Variants in ROBO1 observed in about 807,000 individuals in gnomAD.
ROBO1 encodes roundabout guidance receptor 1.
ROBO1 carries 149 observed loss-of-function variants against 195.9 expected under a neutral mutation model. That is an observed-to-expected ratio of 0.76 (90% CI 0.67 to 0.87). The LOEUF (loss-of-function observed/expected upper bound fraction) is 0.87, where lower values mean the gene tolerates loss of function less well. Ranked by LOEUF, ROBO1 falls within the 40% of genes least tolerant of loss-of-function variation. ROBO1 has a pLI of 0.00. For missense variants in ROBO1, 1,933 were observed against 2,068.3 expected (o/e 0.93, Z 1.27); for synonymous variants, 816 against 733.2 (o/e 1.11, Z -1.82).
chr3:79,620,410 T>C (rs1348249051), intron 1 of ROBO1, among the ~76,000 whole-genome samples: 1 of 152,106 alleles, frequency 6.6e-6, no homozygotes, highest in East Asian at 1.9e-4. Flanking sequence ...CACTCCACAT[T>C]ACCTTCTTTT....
At chr3:78,677,712 C>A (rs944328365) in intron 10 of ROBO1, among the ~76,000 whole-genome samples, 1 of 152,062 alleles carries the variant, frequency 6.6e-6, no homozygotes, top group South Asian at 2.1e-4. Flanking sequence ...TAGACTCCCA[C>A]ACAATAATAA....
chr3:79,372,203 C>CTTTTT (rs113427698), intron 2 of ROBO1, among the ~76,000 whole-genome samples: 2 of 143,186 alleles, frequency 1.4e-5, no homozygotes, highest in African/African-American at 2.6e-5. Flanking sequence ...TTCTAGCATT[C>CTTTTT]TTTTTTTTTT....
At chr3:79,141,053 T>C (rs1434123504) in intron 2 of ROBO1, among the ~76,000 whole-genome samples, 2 of 152,192 alleles carry the variant, frequency 1.3e-5, no homozygotes, top group Non-Finnish European at 2.9e-5. Context: ...TCTTCACTGT[T>C]AGGATGAAAC....
chr3:79,174,955 T>C (rs1378975628), intron 2 of ROBO1, among the ~76,000 whole-genome samples: 1 of 152,080 alleles, frequency 6.6e-6, no homozygotes, highest in Non-Finnish European at 1.5e-5. Flanking sequence ...GGATAAGGGC[T>C]AGATATTAAT....
Position 78,998,416 on chromosome 3 carries a change from C to A in ROBO1, c.173-59489G>T, listed in dbSNP as rs76812030. ...GAGAAACTTGCCCTACACTTATACTCAGATTTCTCCTAAAGCTGAATCTTT... is the reference window on the plus strand; with the variant it reads ...GAGAAACTTGCCCTACACTTATACTAAGATTTCTCCTAAAGCTGAATCTTT... On this transcript the variant is annotated intron_variant, in intron 3 of 30. Coordinates refer to ENST00000464233, the MANE Select transcript of ROBO1 (RefSeq NM_002941.4). 7.7e-4 allele frequency among the ~76,000 whole-genome samples: 117 copies of A among 152,232 alleles called. No individual in the cohort carries two copies. The East Asian group carries it at 0.015, about 19-fold the overall frequency.
intron 2 of ROBO1, among the ~76,000 whole-genome samples, chr3:79,513,740 T>C (rs901241130): frequency 1.3e-5 from 2 of 152,018 alleles, no homozygotes; most frequent in African/African-American, 4.8e-5. Context: ...TTTGTGCACA[T>C]AGACTATTGT....
intron 4 of ROBO1, among the ~76,000 whole-genome samples, chr3:78,788,668 T>C (rs1446412770): frequency 2.6e-5 from 4 of 152,082 alleles, no homozygotes; most frequent in Non-Finnish European, 4.4e-5. Flanking sequence ...ATCTTAGTGG[T>C]ATTTAGTTTT....
At chr3:79,328,092 C>T (rs997491698) in intron 2 of ROBO1, among the ~76,000 whole-genome samples, 12 of 152,004 alleles carry the variant, frequency 7.9e-5, no homozygotes, top group African/African-American at 2.9e-4. Context: ...ATATGTATAG[C>T]TTTTAGGCAA....
chr3:78,984,802 T>C (rs1351307064), intron 3 of ROBO1, among the ~76,000 whole-genome samples: 1 of 152,028 alleles, frequency 6.6e-6, no homozygotes, highest in Non-Finnish European at 1.5e-5. Flanking sequence ...ATTTAAAAGG[T>C]GTGAATGTTA....
chr3:79,250,265 ATAAT>A (rs2082696013), intron 2 of ROBO1, among the ~76,000 whole-genome samples: 1 of 152,218 alleles, frequency 6.6e-6, no homozygotes, highest in African/African-American at 2.4e-5. Flanking sequence ...AATTCACAAT[ATAAT>A]TATATATTCA....
intron 8 of ROBO1, among the ~76,000 whole-genome samples, chr3:78,705,391 T>C (rs1199837310): frequency 6.6e-6 from 1 of 152,230 alleles, no homozygotes; most frequent in Admixed American, 6.5e-5. Flanking sequence ...ATTAGTTTAT[T>C]TTCCTATTAG....
intron 2 of ROBO1, among the ~76,000 whole-genome samples, chr3:79,494,657 A>G (rs778457634): frequency 7.2e-5 from 11 of 152,188 alleles, no homozygotes; most frequent in Admixed American, 4.6e-4. Context: ...ACAAAACACA[A>G]TAGAGGAGAA....
intron 2 of ROBO1, among the ~76,000 whole-genome samples, chr3:79,296,299 T>C (rs1196893089): frequency 6.6e-6 from 1 of 152,190 alleles, no homozygotes; most frequent in East Asian, 1.9e-4. Context: ...TTCCTTAGCA[T>C]AGAGAGTATA....
chr3:79,645,797 G>A lies in ROBO1; in HGVS notation c.-50-55836C>T, dbSNP rs145817966. On this transcript the variant is annotated intron_variant, in intron 1 of 30. Transcript: ENST00000464233. ...ACAGACAGACCAAGAAAACAGAATA[G>A]AGAACATAGATATAAATCCACAAAT... 5.6e-3 allele frequency among the ~76,000 whole-genome samples: 849 copies of A among 152,136 alleles called. 5 individuals carry two copies. The highest frequency in any genetic ancestry group is 0.018 in the African/African-American group (736 of 41,508).
At chr3:79,211,538 A>C (rs1470595739) in intron 2 of ROBO1, among the ~76,000 whole-genome samples, 1 of 152,168 alleles carries the variant, frequency 6.6e-6, no homozygotes, top group Admixed American at 6.6e-5. Flanking sequence ...AGGTAATTTG[A>C]GACATTTTCT....
rs190573675 is a variant in ROBO1 at position 79,043,557 on chromosome 3, T to A, written c.172+81899A>T. 1.3e-3 allele frequency among the ~76,000 whole-genome samples: 192 copies of A among 151,946 alleles called. 4 individuals are homozygous for A. The East Asian group carries it at 0.018, about 14-fold the overall frequency. ...GAATGACATCATATAGATTTTTTTT[T>A]AAAAAAACTCCTCTCAGATTCTGTA... On this transcript the variant is annotated intron_variant, in intron 3 of 30. Transcript: ENST00000464233.
chr3:78,861,514 C>T (rs2034835527), intron 4 of ROBO1, among the ~76,000 whole-genome samples: 1 of 152,132 alleles, frequency 6.6e-6, no homozygotes, highest in African/African-American at 2.4e-5. Context: ...GAATTCTAAC[C>T]TCCTAACAAG....
intron 2 of ROBO1, among the ~76,000 whole-genome samples, chr3:79,479,766 T>C (rs764912733): frequency 2.0e-5 from 3 of 152,170 alleles, no homozygotes; most frequent in Non-Finnish European, 4.4e-5. Flanking sequence ...TATAAATACG[T>C]TATGTCAGTT....
chr3:79,301,293 C>G (rs2032941659), intron 2 of ROBO1, among the ~76,000 whole-genome samples: 1 of 152,200 alleles, frequency 6.6e-6, no homozygotes, highest in Non-Finnish European at 1.5e-5. Flanking sequence ...CCGCGAGAGT[C>G]CGCGACTTCT....
Sources: gnomAD v4.1 joint callset for allele counts (sites outside exome capture counted in the v4.1 genomes callset) on GRCh38, gnomAD v4.1.1 for gene constraint, MANE v1.5 for transcripts, NCBI Gene and HGNC (gene_info 2026-07-23, HGNC 2026-07-21) for gene names.